The following PRKCE variants were observed in gnomAD, a reference collection of about 807,000 sequenced individuals.
PRKCE encodes the protein protein kinase C epsilon type.
PRKCE carries 16 observed loss-of-function variants against 85.4 expected under a neutral mutation model. The ratio of observed to expected loss-of-function variants is 0.19; its 90% CI spans 0.13 to 0.28. PRKCE has a LOEUF of 0.28. Among genes scored for constraint, PRKCE ranks in the 10% least tolerant of loss-of-function variants. The pLI is 1.00. For synonymous variants in PRKCE, 388 were observed against 371.5 expected, an observed-to-expected ratio of 1.04 and a Z score of -0.51; for missense variants, 573 against 975.2, an observed-to-expected ratio of 0.59 and a Z score of 5.49.
chr2:45,978,020 C>G (rs913100167), intron 3 of PRKCE: 1 of 152,212 alleles, frequency 6.6e-6, no homozygotes, highest in African/African-American at 2.4e-5. Context: ...TTGTCTTATC[C>G]TCATGATGTC....
At chr2:46,006,975 C>A (rs1348957971) in intron 8 of PRKCE, among the ~76,000 whole-genome samples, 2 of 152,182 alleles carry the variant, frequency 1.3e-5, no homozygotes, top group Non-Finnish European at 2.9e-5. Context: ...AGGTTTCTAC[C>A]TTCAGTGATC....
intron 10 of PRKCE, among the ~76,000 whole-genome samples, chr2:46,058,039 T>G (rs1041397704): frequency 2.0e-5 from 3 of 151,860 alleles, no homozygotes; most frequent in African/African-American, 7.3e-5. Flanking sequence ...TCCTCTGCCC[T>G]CACTTTCCAA....
intron 1 of PRKCE, among the ~76,000 whole-genome samples, chr2:45,704,635 A>C (rs1047492584): frequency 6.6e-6 from 1 of 152,212 alleles, no homozygotes; most frequent in African/African-American, 2.4e-5. Flanking sequence ...AAAAGTGAGC[A>C]TCGCCACGCC....
chr2:45,923,849 A>G (rs2103965086), intron 2 of PRKCE, among the ~76,000 whole-genome samples: 1 of 152,294 alleles, frequency 6.6e-6, no homozygotes, highest in South Asian at 2.1e-4. Flanking sequence ...CATGGAAAGC[A>G]AAGGTGAGGT....
chr2:46,146,390 A>G (rs7604415), intron 12 of PRKCE, among the ~76,000 whole-genome samples: 18,604 of 152,340 alleles, frequency 0.12, 1,600 homozygotes, highest in African/African-American at 0.23. Flanking sequence ...GTGGAGATAA[A>G]GAACTGACTG....
chr2:45,809,205 C>T (rs574804249), intron 1 of PRKCE, among the ~76,000 whole-genome samples: 19 of 152,200 alleles, frequency 1.2e-4, no homozygotes, highest in African/African-American at 4.3e-4. Context: ...CCTAAATCCT[C>T]CCAGGAACAA....
intron 1 of PRKCE, among the ~76,000 whole-genome samples, chr2:45,690,052 T>A (rs900723345): frequency 2.6e-5 from 4 of 152,228 alleles, no homozygotes; most frequent in Middle Eastern, 3.2e-3. Context: ...AGGAAAATCA[T>A]GCACACTATC....
chr2:45,680,516 GT>G (rs1676805095), intron 1 of PRKCE, among the ~76,000 whole-genome samples: 2 of 152,328 alleles, frequency 1.3e-5, no homozygotes, highest in South Asian at 4.1e-4. Flanking sequence ...AAACTTTAAA[GT>G]TGGACTGTTT....
intron 2 of PRKCE, among the ~76,000 whole-genome samples, chr2:45,912,866 A>G (rs948940660): frequency 6.6e-6 from 1 of 152,114 alleles, no homozygotes; most frequent in Non-Finnish European, 1.5e-5. Flanking sequence ...CCTGGGGACC[A>G]CCATCCAACC....
chr2:46,002,417 A>G (rs954190966), intron 7 of PRKCE, among the ~76,000 whole-genome samples: 1 of 152,198 alleles, frequency 6.6e-6, no homozygotes, highest in Non-Finnish European at 1.5e-5. Flanking sequence ...CCGCCTAAAT[A>G]GTCTCCCTGA....
intron 1 of PRKCE, among the ~76,000 whole-genome samples, chr2:45,678,846 C>T (rs907264324): frequency 3.3e-5 from 5 of 152,102 alleles, no homozygotes; most frequent in African/African-American, 4.8e-5. Flanking sequence ...GAGATACATA[C>T]TCATTTTGTT....
At chr2:45,782,619 C>A (rs1326570164) in intron 1 of PRKCE, among the ~76,000 whole-genome samples, 1 of 152,074 alleles carries the variant, frequency 6.6e-6, no homozygotes, top group African/African-American at 2.4e-5. Context: ...AGATAATGTA[C>A]CCTTGTGTTT....
chr2:45,924,246 T>C (rs1312301679), intron 2 of PRKCE, among the ~76,000 whole-genome samples: 1 of 152,186 alleles, frequency 6.6e-6, no homozygotes, highest in Admixed American at 6.5e-5. Context: ...TTTTGATCTT[T>C]ATAAGAATGG....
Position 46,068,771 on chromosome 2 carries a change from A to G in PRKCE, c.1438-17437A>G, listed in dbSNP as rs1476801178. Among the ~76,000 whole-genome samples the G allele has an allele frequency of 6.6e-6, 1 of 152,246 alleles. No homozygotes were observed. The highest frequency in any genetic ancestry group is 1.5e-5 in the Non-Finnish European group (1 of 68,044). ...CTTGGAGCAGTTGCCCAAATGCCTC[A>G]GAAGTAACCAAGAGCAAGAAGTGGT... On this transcript the variant is annotated intron_variant, in intron 10 of 14. Coordinates refer to ENST00000306156, the MANE Select transcript of PRKCE (RefSeq NM_005400.3). The surrounding 1 kb of genome is among the most constrained non-coding windows in gnomAD (Gnocchi z 4.3).
chr2:45,677,771 C>T (rs1676592037), intron 1 of PRKCE: 3 of 806,950 alleles, frequency 3.7e-6, no homozygotes, highest in Non-Finnish European at 3.0e-6. Context: ...GTGTTATTTG[C>T]TGGGTGGGCT....
intron 13 of PRKCE, among the ~76,000 whole-genome samples, chr2:46,153,911 C>T (rs779362236): frequency 2.0e-5 from 3 of 151,656 alleles, no homozygotes; most frequent in Non-Finnish European, 4.4e-5. Flanking sequence ...CTCAGCCTCC[C>T]GAGTAGCTGG....
intron 2 of PRKCE, among the ~76,000 whole-genome samples, chr2:45,950,982 G>A: frequency 6.6e-6 from 1 of 152,162 alleles, no homozygotes; most frequent in East Asian, 1.9e-4. Context: ...TGGCCACCAA[G>A]ACAAAAGCTC....
intron 2 of PRKCE, among the ~76,000 whole-genome samples, chr2:45,866,278 T>TTTTA (rs1178210701): frequency 3.3e-5 from 5 of 152,032 alleles, no homozygotes; most frequent in African/African-American, 1.2e-4. Flanking sequence ...GGGATTTTCT[T>TTTTA]TTTATTTATT....
intron 11 of PRKCE, among the ~76,000 whole-genome samples, chr2:46,105,012 T>G (rs1204809820): frequency 6.7e-6 from 1 of 149,754 alleles, no homozygotes; most frequent in Non-Finnish European, 1.5e-5. Context: ...CTCTGTGACA[T>G]CTTCCTTTTT....
Sources: allele counts gnomAD v4.1 joint callset (sites outside exome capture counted in the v4.1 genomes callset), GRCh38; gene constraint gnomAD v4.1.1; non-coding constraint Gnocchi (gnomAD v3.1); transcripts MANE v1.5; gene names NCBI Gene and HGNC (gene_info 2026-07-23, HGNC 2026-07-21).